Variants in TENM2 observed in about 807,000 individuals in gnomAD.
TENM2 encodes teneurin-2.
TENM2 carries 52 observed loss-of-function variants against 245.2 expected under a neutral mutation model. The ratio of observed to expected loss-of-function variants is 0.21; its 90% confidence interval spans 0.17 to 0.27. The LOEUF (loss-of-function observed/expected upper bound fraction) is 0.27. Among genes scored for constraint, TENM2 ranks in the 10% least tolerant of loss-of-function variants. TENM2 has a pLI of 1.00. For synonymous variants in TENM2, 1,363 were observed against 1,438.9 expected (o/e 0.95, Z 1.19); for missense variants, 3,046 against 3,666.8 (o/e 0.83, Z 4.37).
At chr5:167,359,491 C>T (rs184086734) in intron 1 of TENM2, among the ~76,000 whole-genome samples, 46 of 151,654 alleles carry the variant, frequency 3.0e-4, no homozygotes, top group African/African-American at 1.1e-3. Flanking sequence ...TCATGAATGG[C>T]CTTGCACTCT....
rs55977607 is a variant in TENM2 at position 168,155,892 on chromosome 5, T to TAAAA, written c.2423-6690_2423-6687dup. 2.8e-3 allele frequency among the ~76,000 whole-genome samples: 267 copies of TAAAA among 96,904 alleles called. 4 individuals carry two copies. The highest frequency in any genetic ancestry group is 8.8e-3 in the African/African-American group (244 of 27,606). The allele number at this position is 96,904 out of a possible 152,430, so 63.6% of individuals were successfully genotyped here. A position where few individuals can be genotyped will look rare whatever the true frequency, so the allele number is the denominator to read the frequency against. The stretch of plus-strand genomic sequence containing the variant: ...TTCCATTTAATACCTCTGGCATCTG[T>TAAAA]AAAAAAAAAAAAAAAAAAAAAAAAA... On this transcript the variant is annotated intron_variant, in intron 12 of 28. Coordinates refer to ENST00000518659, the Ensembl canonical transcript of TENM2.
intron 2 of TENM2, among the ~76,000 whole-genome samples, chr5:167,490,338 A>G (rs955457001): frequency 4.6e-5 from 7 of 152,194 alleles, no homozygotes; most frequent in African/African-American, 1.2e-4. Context: ...TATTTTTAAC[A>G]TCTTATATAA....
the TENM2 span, among the ~76,000 whole-genome samples, chr5:167,091,285 A>G: frequency 5.1e-3 from 772 of 152,354 alleles, 8 homozygotes; most frequent in African/African-American, 0.017. Context: ...GGATATTTAC[A>G]AAATTTACAT....
chr5:167,698,503 C>T (rs1190434052), intron 2 of TENM2, among the ~76,000 whole-genome samples: 2 of 152,184 alleles, frequency 1.3e-5, no homozygotes, highest in East Asian at 1.9e-4. Context: ...GATGTCTCCC[C>T]GACCCACCTA....
intron 1 of TENM2, among the ~76,000 whole-genome samples, chr5:167,344,074 C>T (rs544930381): frequency 6.6e-6 from 1 of 150,744 alleles, no homozygotes; most frequent in South Asian, 2.1e-4. Context: ...ATGAGATGAG[C>T]AATTCCATCC....
intron 2 of TENM2, among the ~76,000 whole-genome samples, chr5:167,417,340 C>T (rs1177929941): frequency 6.6e-6 from 1 of 152,184 alleles, no homozygotes; most frequent in Non-Finnish European, 1.5e-5. Flanking sequence ...TACTGGAGTG[C>T]AGTGCTCCCC....
chr5:167,529,003 T>G (rs1435272789), intron 2 of TENM2, among the ~76,000 whole-genome samples: 2 of 152,168 alleles, frequency 1.3e-5, no homozygotes, highest in East Asian at 3.9e-4. Context: ...TTAAGCAAAA[T>G]AGAAAATGAT....
the TENM2 span, among the ~76,000 whole-genome samples, chr5:167,254,705 G>A: frequency 6.6e-6 from 1 of 152,120 alleles, no homozygotes; most frequent in Non-Finnish European, 1.5e-5. Flanking sequence ...AATGATATCT[G>A]CCAGGAAGTA....
chr5:167,028,487 C>A, the TENM2 span, among the ~76,000 whole-genome samples: 102 of 151,968 alleles, frequency 6.7e-4, no homozygotes, highest in African/African-American at 2.4e-3. Flanking sequence ...TTATTCTTTG[C>A]CAATCTACAT....
chr5:167,471,404 AAAT>A (rs1582139657), intron 2 of TENM2, among the ~76,000 whole-genome samples: 1 of 152,230 alleles, frequency 6.6e-6, no homozygotes, highest in Non-Finnish European at 1.5e-5. Flanking sequence ...AATAAAATAA[AAAT>A]AAAAAGCATG....
Position 167,842,899 on chromosome 5 carries a change from G to A in TENM2, c.503-33087G>A, listed in dbSNP as rs572165377. Among the ~76,000 whole-genome samples the A allele has an allele frequency of 2.0e-5, 3 of 152,332 alleles. No individual in the cohort carries two copies. The South Asian group carries it at 6.2e-4, about 32-fold the overall frequency. ...GGGCTAACACAGTTGGCTCCTATCAGTTAGAATTCAACTGAAGGCTTGCAT... is the reference window on the plus strand; with the variant it reads ...GGGCTAACACAGTTGGCTCCTATCAATTAGAATTCAACTGAAGGCTTGCAT... On this transcript the variant is annotated intron_variant, in intron 2 of 28. Coordinates refer to ENST00000518659, the Ensembl canonical transcript of TENM2.
At chr5:167,465,864 A>G (rs1766619612) in intron 2 of TENM2, among the ~76,000 whole-genome samples, 1 of 151,980 alleles carries the variant, frequency 6.6e-6, no homozygotes, top group Admixed American at 6.6e-5. Context: ...AACATGCCCA[A>G]GGTCACAAAA....
the TENM2 span, among the ~76,000 whole-genome samples, chr5:167,163,695 C>G: frequency 1.2e-4 from 19 of 152,310 alleles, no homozygotes; most frequent in African/African-American, 4.3e-4. Context: ...TGCTATGATG[C>G]TCTGACTACA....
At chr5:167,962,657 A>G (rs1781101646) in intron 4 of TENM2, among the ~76,000 whole-genome samples, 1 of 152,184 alleles carries the variant, frequency 6.6e-6, no homozygotes, top group Non-Finnish European at 1.5e-5. Context: ...AGAAACTTAT[A>G]ATCATGGTAG....
intron 2 of TENM2, among the ~76,000 whole-genome samples, chr5:167,535,542 A>G (rs971141415): frequency 2.6e-5 from 4 of 152,162 alleles, no homozygotes; most frequent in Admixed American, 1.3e-4. Flanking sequence ...TTGTGCACGC[A>G]TTTAGGGAGT....
intron 5 of TENM2, among the ~76,000 whole-genome samples, chr5:168,033,724 A>C (rs1787330113): frequency 6.6e-6 from 1 of 152,084 alleles, no homozygotes; most frequent in South Asian, 2.1e-4. Context: ...TTCATGCCTC[A>C]AAATTTGGAG....
At chr5:168,169,135 G>C (rs751040633) in intron 13 of TENM2, among the ~76,000 whole-genome samples, 1 of 152,148 alleles carries the variant, frequency 6.6e-6, no homozygotes, top group Non-Finnish European at 1.5e-5. Flanking sequence ...CACGTGTATG[G>C]GTGTCAGGAA....
At chr5:167,684,955 T>G (rs548476120) in intron 2 of TENM2, among the ~76,000 whole-genome samples, 1 of 152,194 alleles carries the variant, frequency 6.6e-6, no homozygotes, top group African/African-American at 2.4e-5. Flanking sequence ...GGAACTCACA[T>G]AAGATCTTAT....
At position 167,776,359 on chromosome 5, in the gene TENM2, G is replaced by A. The variant is rs141469742; in HGVS notation, c.503-99627G>A. Among the ~76,000 whole-genome samples, 1,003 of 151,764 alleles carry A rather than the reference G, an allele frequency of 6.6e-3. 11 individuals are homozygous for A. Among genetic ancestry groups the A allele is most frequent in the African/African-American group, 0.023 (948 of 41,436 alleles). On this transcript the variant is annotated intron_variant, in intron 2 of 28. Coordinates refer to ENST00000518659, the Ensembl canonical transcript of TENM2. ...TGCCTGTAATCCCAGCGCTTTGGGAGGCCAAGGCAGGTGGATTGCTTGAGT... is the reference window on the plus strand; with the variant it reads ...TGCCTGTAATCCCAGCGCTTTGGGAAGCCAAGGCAGGTGGATTGCTTGAGT...
Sources: allele counts gnomAD v4.1 joint callset (sites outside exome capture counted in the v4.1 genomes callset), GRCh38; gene constraint gnomAD v4.1.1; transcripts MANE v1.5; gene names NCBI Gene and HGNC (gene_info 2026-07-23, HGNC 2026-07-21).